TAF1C: variants seen among roughly 807,000 people sequenced by gnomAD.
TAF1C encodes the protein TATA box-binding protein-associated factor RNA polymerase I subunit C.
In TAF1C, 79 loss-of-function variants were observed where a neutral mutation model predicts 70.5. The observed-to-expected ratio is 1.12, with a 90% CI of 0.93 to 1.35. The LOEUF (loss-of-function observed/expected upper bound fraction) is 1.35. Among genes scored for constraint, TAF1C ranks in the 40% most tolerant of loss-of-function variants. The probability of loss-of-function intolerance (pLI) is 0.00; values close to 1 mark genes in which losing one functional copy is unlikely to be tolerated. For missense variants in TAF1C, 1,412 were observed against 1,127.8 expected, an observed-to-expected ratio of 1.25 and a Z score of -3.61; for synonymous variants, 614 against 491.1, an observed-to-expected ratio of 1.25 and a Z score of -3.31.
In TAF1C at chr16:84,179,943, C is replaced by T; in HGVS notation, c.1621+3G>A. On this transcript the variant is annotated splice_donor_region_variant and intron_variant, in intron 14 of 14. Coordinates refer to ENST00000566732, the MANE Select transcript of TAF1C (RefSeq NM_001243156.2). ...CCCAAGCTCACTCCCCCACCCAGCACACCTATGGTCGGTGCTTTCAGGCGC... is the reference window on the plus strand; with the variant it reads ...CCCAAGCTCACTCCCCCACCCAGCATACCTATGGTCGGTGCTTTCAGGCGC... The T allele has an allele frequency of 6.2e-7, 1 of 1,612,326 alleles. No homozygotes were observed. Among genetic ancestry groups the T allele is most frequent in the Non-Finnish European group, 8.5e-7 (1 of 1,179,836 alleles).
chr16:84,183,178 A>G (rs1468964162), intron 5 of TAF1C, 29 bp from the exon 6 acceptor site: 1 of 1,613,944 alleles, frequency 6.2e-7, no homozygotes, highest in Admixed American at 1.7e-5. Flanking sequence ...TCAGGCTCAC[A>G]CACCCTCGAG....
In TAF1C at chr16:84,180,840, G is replaced by A. The variant is rs932069513; in HGVS notation, c.1308+203C>T. The stretch of plus-strand genomic sequence containing the variant: ...CTGCACCTCGAAGCTCTACTAAGGG[G>A]AGGCCCTGGGAGAGCTTCCCCACCT... On this transcript the variant is annotated intron_variant, in intron 12 of 14. Coordinates refer to ENST00000566732, the MANE Select transcript of TAF1C (RefSeq NM_001243156.2). 7 of 1,402,308 alleles carry A rather than the reference G, an allele frequency of 5.0e-6. No individual in the cohort carries two copies. The African/African-American group carries it at 1.0e-4, about 20-fold the overall frequency. 86.9% of individuals were successfully genotyped at this position (1,402,308 alleles called of 1,614,324 possible). A position where few individuals can be genotyped will look rare whatever the true frequency, so the allele number is the denominator to read the frequency against.
In TAF1C at chr16:84,181,584, G is replaced by A. The variant is rs369737978; in HGVS notation, c.1028+8C>T. ...TAGGGTGGGGGGTTTCACAGGAAGC[G>A]GCGATACCCATCCTCAGGGCTCCAC... On this transcript the variant is annotated splice_region_variant and intron_variant, in intron 10 of 14. Coordinates refer to ENST00000566732, the MANE Select transcript of TAF1C (RefSeq NM_001243156.2). 3.5e-5 allele frequency: 56 copies of A among 1,613,802 alleles called. No homozygotes were observed. The highest frequency in any genetic ancestry group is 1.6e-4 in the African/African-American group (12 of 74,898).
Position 84,182,006 on chromosome 16 carries a change from T to C in TAF1C, c.774A>G (p.Lys258=). Residue 258 remains lysine (K), a synonymous_variant, in exon 8 of 15, where the codon AAA becomes AAG. Coordinates refer to ENST00000566732, the MANE Select transcript of TAF1C (RefSeq NM_001243156.2). This position sits in a 1 kb window ranked among gnomAD's most constrained non-coding sequence, Gnocchi z 5.0. ...GTCCCTGGAGCTGGATGCGTCCAGG[T>C]TTCCCAAGGAATTGGGGATTGTCAC... ...TPGDNPQFLG[K]PGRIQLQGPV... The C allele has an allele frequency of 6.2e-7, 1 of 1,613,504 alleles. No homozygotes were observed. Among genetic ancestry groups the C allele is most frequent in the Non-Finnish European group, 8.5e-7 (1 of 1,180,000 alleles).
At position 84,180,251 on chromosome 16, in the gene TAF1C, G is replaced by A; in HGVS notation, c.1402C>T (p.Leu468=). The A allele has an allele frequency of 6.5e-7, 1 of 1,542,382 alleles. No individual in the cohort carries two copies. The highest frequency in any genetic ancestry group is 8.7e-7 in the Non-Finnish European group (1 of 1,147,400). ...LPSPLLLARL[L]PPPRPSCVQP... ...ACGCAGCTGGGCCGGGGCGGAGGCAGCAGTCGGGCCAGCAGGAGCGGGGAG... is the reference window on the plus strand; with the variant it reads ...ACGCAGCTGGGCCGGGGCGGAGGCAACAGTCGGGCCAGCAGGAGCGGGGAG... Residue 468 remains leucine (L), a synonymous_variant, in exon 13 of 15, where the codon CTG becomes TTG. Coordinates refer to ENST00000566732, the MANE Select transcript of TAF1C (RefSeq NM_001243156.2).
Position 84,178,909 on chromosome 16 carries a change from TC to T in TAF1C, c.*31del, listed in dbSNP as rs2088901537. The stretch of plus-strand genomic sequence containing the variant: ...GTCCCAGAGGAAGGATGAGGGGCTC[TC>T]TGGGGCTTGAGGGCAGCCCACCTTG... On this transcript the variant is annotated 3_prime_UTR_variant, in exon 15 of 15. Transcript: ENST00000566732. 6.5e-7 allele frequency: 1 copy of T among 1,547,994 alleles called. No homozygotes were observed. Among genetic ancestry groups the T allele is most frequent in the Admixed American group, 2.0e-5 (1 of 50,902 alleles).
Position 84,178,264 on chromosome 16 carries a change from C to G in TAF1C, c.*677G>C. 2.2e-6 allele frequency: 1 copy of G among 448,634 alleles called. No individual in the cohort carries two copies. Among genetic ancestry groups the G allele is most frequent in the South Asian group, 1.6e-5 (1 of 62,844 alleles). 27.8% of individuals were successfully genotyped at this position (448,634 alleles called of 1,614,324 possible). On this transcript the variant is annotated 3_prime_UTR_variant, in exon 15 of 15. Coordinates refer to ENST00000566732, the MANE Select transcript of TAF1C (RefSeq NM_001243156.2). ...GGCACTATCGACAGCCCACAGGTGC[C>G]AGACCCATGTCCCAAGGGAGAAGGA...
rs767924482 is a variant in TAF1C, at chr16:84,183,417, G to C, written c.311C>G (p.Thr104Ser). The change falls in exon 4 of 15, where the codon ACT (threonine) becomes AGT (serine). Residue 104 changes from threonine to serine, a missense_variant. Coordinates refer to ENST00000566732, the MANE Select transcript of TAF1C (RefSeq NM_001243156.2). ...RKRPRVVLDV[T>S]EQISRFLLDH... is the part of the protein sequence containing the mutation. ...CCCCGTGGGCCCACTCACCTGCTCA[G>C]TCACATCCAGCACGACTCGGGGCCG... The C allele has an allele frequency of 2.5e-6, 4 of 1,613,026 alleles. 1 individual carries two copies. Among genetic ancestry groups the C allele is most frequent in the Non-Finnish European group, 3.4e-6 (4 of 1,179,486 alleles).
chr16:84,183,027 C>G, intron 6 of TAF1C, 49 bp downstream of exon 6: 1 of 1,598,304 alleles, frequency 6.3e-7, no homozygotes. Context: ...CCTACATCCC[C>G]ACCACCAGCT....
At position 84,182,041 on chromosome 16, in the gene TAF1C, G is replaced by C; in HGVS notation, c.739C>G (p.Leu247Val). The change falls in exon 8 of 15, where the codon CTG becomes GTG. Residue 247 changes from leucine (L) to valine (V), a missense_variant. Transcript: ENST00000566732. This position sits in a 1 kb window ranked among gnomAD's most constrained non-coding sequence, Gnocchi z 5.0. Reference protein sequence around the residue: ...QDRLHFQEVVLTPGDNPQFLG... With the variant: ...QDRLHFQEVVVTPGDNPQFLG... Reference sequence around the variant, plus strand: ...AATTGGGGATTGTCACCTGGGGTCAGAACGACCTCTTGGAAATCTGGGCCT... The same window carrying C: ...AATTGGGGATTGTCACCTGGGGTCACAACGACCTCTTGGAAATCTGGGCCT... 1.2e-6 allele frequency: 2 copies of C among 1,613,262 alleles called. No individual in the cohort carries two copies. Among genetic ancestry groups the C allele is most frequent in the South Asian group, 1.1e-5 (1 of 91,082 alleles).
At position 84,182,431 on chromosome 16, in the gene TAF1C, C is replaced by T. The variant is rs756887801; in HGVS notation, c.492G>A (p.Trp164Ter). 1 of 1,601,468 alleles carries T rather than the reference C, an allele frequency of 6.2e-7. No individual in the cohort carries two copies. The highest frequency in any genetic ancestry group is 2.2e-5 in the East Asian group (1 of 44,610). The change falls in exon 7 of 15, where the codon TGG (tryptophan) becomes TGA (stop). Residue 164 changes from tryptophan (W) to a stop codon, truncating the protein, a stop_gained. Coordinates refer to ENST00000566732, the MANE Select transcript of TAF1C (RefSeq NM_001243156.2). LOFTEE classifies it high-confidence loss of function. This position sits in a 1 kb window ranked among gnomAD's most constrained non-coding sequence, Gnocchi z 5.0. ...GGCGCTGTCGGTTGCTGAGGTAAGC[C>T]CAGGGACACCTGGGGACCAGAGAAC... ...LGGHQPWGCP[W>*]AYLSNRQRRF...
At chr16:84,181,251 G>C in intron 11 of TAF1C, 65 bp from the exon 12 acceptor site, 1 of 1,598,494 alleles carries the variant, frequency 6.3e-7, no homozygotes, top group Non-Finnish European at 8.6e-7. Context: ...TCCTCGCCCA[G>C]GCCGCAGCCA....
At position 84,179,721 on chromosome 16, in the gene TAF1C, A is replaced by C; in HGVS notation, c.1752T>G (p.Asp584Glu). Residue 584 changes from aspartate (D) to glutamate (E), a missense_variant, in exon 15 of 15, where the codon GAT becomes GAG. Transcript: ENST00000566732. Reference protein sequence around the residue: ...RPQVDSSLRRDAGPPGDTQPD... With the variant: ...RPQVDSSLRREAGPPGDTQPD... ...GTTGGGTGTCGCCAGGAGGCCCAGC[A>C]TCTCTGCGGAGGCTGGAGTCCACCT... 1 of 1,612,286 alleles carries C rather than the reference A, an allele frequency of 6.2e-7. No homozygotes were observed. Among genetic ancestry groups the C allele is most frequent in the Non-Finnish European group, 8.5e-7 (1 of 1,179,866 alleles).
In TAF1C at chr16:84,181,191, A is replaced by T; in HGVS notation, c.1165-5T>A. The T allele has an allele frequency of 6.2e-7, 1 of 1,604,516 alleles. No homozygotes were observed. Among genetic ancestry groups the T allele is most frequent in the Non-Finnish European group, 8.5e-7 (1 of 1,172,476 alleles). On this transcript the variant is annotated splice_region_variant and splice_polypyrimidine_tract_variant and intron_variant, in intron 11 of 14. Transcript: ENST00000566732. ...CAGACCACAGCCCGGCGGGCCCTGG[A>T]AGATAAACACAGGGTCAGCCCTCCC...
chr16:84,181,818 A>G lies in TAF1C; in HGVS notation c.884T>C (p.Phe295Ser), dbSNP rs1449829677. The change falls in exon 9 of 15, where the codon TTT becomes TCT. Residue 295 changes from phenylalanine (F) to serine (S), a missense_variant. Physicochemically the swap from Phe to Ser is radical, Grantham distance 155 (BLOSUM62 -2). Coordinates refer to ENST00000566732, the MANE Select transcript of TAF1C (RefSeq NM_001243156.2). ...AAGGGTTGGCTGCCACTGTTTACCA[A>G]ACTTCCACACGGCACAGTGGTAGTC... is the stretch of plus-strand genomic sequence containing the variant. Reference protein sequence around the residue: ...RSDYHCAVWKFGKQWQPTLLQ... With the variant: ...RSDYHCAVWKSGKQWQPTLLQ... 6.2e-7 allele frequency: 1 copy of G among 1,614,148 alleles called. No homozygotes were observed. The highest frequency in any genetic ancestry group is 1.7e-5 in the Admixed American group (1 of 60,016).
Position 84,179,530 on chromosome 16 carries a change from T to C in TAF1C, c.1943A>G (p.Glu648Gly). The change falls in exon 15 of 15, where the codon GAG becomes GGG. Residue 648 changes from glutamate to glycine, a missense_variant. Transcript: ENST00000566732. ...GAGCACACCCAGCCGCTGCCCTTCCTCTTCCTCCCTCCGCAGCTCTGTGCT... is the reference window on the plus strand; with the variant it reads ...GAGCACACCCAGCCGCTGCCCTTCCCCTTCCTCCCTCCGCAGCTCTGTGCT... The part of the protein sequence containing the change: ...LGSTELRREE[E>G]EGQRLGVLRK... 6.2e-7 allele frequency: 1 copy of C among 1,607,030 alleles called. No homozygotes were observed. Among genetic ancestry groups the C allele is most frequent in the Non-Finnish European group, 8.5e-7 (1 of 1,176,412 alleles).
In TAF1C at chr16:84,182,972, G is replaced by A. The variant is rs2151307548; in HGVS notation, c.482+104C>T. On this transcript the variant is annotated intron_variant, in intron 6 of 14. Coordinates refer to ENST00000566732, the MANE Select transcript of TAF1C (RefSeq NM_001243156.2). The surrounding 1 kb of genome is among the most constrained non-coding windows in gnomAD (Gnocchi z 5.0). ...TACAGCTCAGACTGCATGGAGCAGGGGGGAAGTGGGTATGACGGAAAGCTG... is the reference window on the plus strand; with the variant it reads ...TACAGCTCAGACTGCATGGAGCAGGAGGGAAGTGGGTATGACGGAAAGCTG... The A allele has an allele frequency of 1.8e-6, 2 of 1,139,150 alleles. No homozygotes were observed. Among genetic ancestry groups the A allele is most frequent in the South Asian group, 2.6e-5 (2 of 78,046 alleles). The allele number at this position is 1,139,150 out of a possible 1,614,324, so 70.6% of individuals were successfully genotyped here.
chr16:84,186,231 G>A (rs2089480489), intron 1 of TAF1C, among the ~76,000 whole-genome samples: 1 of 152,180 alleles, frequency 6.6e-6, no homozygotes, highest in Admixed American at 6.5e-5. Flanking sequence ...AAATGCAAAC[G>A]CTAGCATTAG....
chr16:84,185,025 CGA>C lies in TAF1C; in HGVS notation c.-39_-38del, dbSNP rs1280773265. The C allele has an allele frequency of 6.3e-6, 10 of 1,599,086 alleles. No homozygotes were observed. The highest frequency in any genetic ancestry group is 8.5e-6 in the Non-Finnish European group (10 of 1,171,634). Reference sequence around the variant, plus strand: ...GGACCAAGCACCACACTGGCCACCTCGAGAGACTGGAAGCTGGTAAGGGGCGC... The same window carrying C: ...GGACCAAGCACCACACTGGCCACCTCGAGACTGGAAGCTGGTAAGGGGCGC... On this transcript the variant is annotated 5_prime_UTR_variant, in exon 2 of 15. Transcript: ENST00000566732.
Sources: gnomAD v4.1 joint callset for allele counts (sites outside exome capture counted in the v4.1 genomes callset) on GRCh38, gnomAD v4.1.1 for gene constraint, Gnocchi (gnomAD v3.1) non-coding constraint, MANE v1.5 for transcripts, NCBI Gene and HGNC (gene_info 2026-07-23, HGNC 2026-07-21) for gene names.